The following LPGAT1 variants were observed in gnomAD, a reference collection of about 807,000 sequenced individuals.
LPGAT1 encodes acyl-CoA:lysophosphatidylglycerol acyltransferase 1.
Under a neutral mutation model 47.5 loss-of-function variants are expected in LPGAT1, and 11 were observed. The ratio of observed to expected loss-of-function variants is 0.23; its 90% CI spans 0.15 to 0.38. The LOEUF (loss-of-function observed/expected upper bound fraction) is 0.38, where lower values mean the gene tolerates loss of function less well. Among genes scored for constraint, LPGAT1 ranks in the 10% least tolerant of loss-of-function variants. The pLI is 1.00. For missense variants in LPGAT1, 293 were observed against 439.0 expected (o/e 0.67, Z 2.97); for synonymous variants, 138 against 144.2 (o/e 0.96, Z 0.31).
chr1:211,750,064 T>A lies in LPGAT1; in HGVS notation c.962-14A>T. 4 of 1,607,536 alleles carry A rather than the reference T, an allele frequency of 2.5e-6. No homozygotes were observed. Among genetic ancestry groups the A allele is most frequent in the Non-Finnish European group, 2.5e-6 (3 of 1,177,666 alleles). On this transcript the variant is annotated splice_polypyrimidine_tract_variant and intron_variant, in intron 7 of 7. Coordinates refer to ENST00000366997, the MANE Select transcript of LPGAT1 (RefSeq NM_014873.3). ...GTGGAAAAGCTCCTAAAAGACAAGA[T>A]AGAAATATTAGTTTGTTTTACTGTA...
chr1:211,830,494 C>T lies in LPGAT1; in HGVS notation c.-28+79G>A. 1 of 1,193,684 alleles carries T rather than the reference C, an allele frequency of 8.4e-7. No homozygotes were observed. Among genetic ancestry groups the T allele is most frequent in the Non-Finnish European group, 1.0e-6 (1 of 962,150 alleles). 73.9% of individuals were successfully genotyped at this position (1,193,684 alleles called of 1,614,324 possible). On this transcript the variant is annotated intron_variant, in intron 1 of 7. Coordinates refer to ENST00000366997, the MANE Select transcript of LPGAT1 (RefSeq NM_014873.3). This position sits in a 1 kb window ranked among gnomAD's most constrained non-coding sequence, Gnocchi z 5.9. ...CCCCGGGCCACGCGACGACGACACC[C>T]CCTTCCCCGCCCCCAGCGCCTCCCC...
chr1:211,802,337 G>GTCA (rs1659607341), intron 2 of LPGAT1, among the ~76,000 whole-genome samples: 1 of 151,920 alleles, frequency 6.6e-6, no homozygotes, highest in South Asian at 2.1e-4. Context: ...CCCCTACATA[G>GTCA]TCATGTATTG....
intron 3 of LPGAT1, among the ~76,000 whole-genome samples, chr1:211,790,474 T>C (rs1659065681): frequency 6.6e-6 from 1 of 152,168 alleles, no homozygotes; most frequent in South Asian, 2.1e-4. Flanking sequence ...ATAAATCAAG[T>C]AAACATTCCT....
chr1:211,770,517 A>T (rs1311722442), intron 6 of LPGAT1, among the ~76,000 whole-genome samples: 1 of 152,242 alleles, frequency 6.6e-6, no homozygotes, highest in Non-Finnish European at 1.5e-5. Context: ...GTGCCACATG[A>T]CATTTCAGTC....
chr1:211,774,072 C>G (rs1438747285), intron 6 of LPGAT1, among the ~76,000 whole-genome samples: 1 of 135,018 alleles, frequency 7.4e-6, no homozygotes, highest in African/African-American at 2.9e-5. Flanking sequence ...ATCTATCATT[C>G]TTTATATATC....
At chr1:211,778,184 T>C (rs1041221206) in intron 6 of LPGAT1, among the ~76,000 whole-genome samples, 1 of 151,674 alleles carries the variant, frequency 6.6e-6, no homozygotes, top group African/African-American at 2.4e-5. Flanking sequence ...CTACTAAAAA[T>C]ACAAAAAATT....
chr1:211,758,209 TG>T (rs1173257033), intron 6 of LPGAT1, among the ~76,000 whole-genome samples: 4 of 152,228 alleles, frequency 2.6e-5, no homozygotes, highest in African/African-American at 9.6e-5. Context: ...TCCAGGTATC[TG>T]GTTATATGAA....
At chr1:211,820,539 C>CAA (rs11371645) in intron 2 of LPGAT1, among the ~76,000 whole-genome samples, 2,841 of 124,492 alleles carry the variant, frequency 0.023, 29 homozygotes, top group Non-Finnish European at 0.026. Flanking sequence ...TAGAACTAAA[C>CAA]AAAAAAAAAA....
At chr1:211,751,535 A>G (rs1260410152) in intron 6 of LPGAT1, among the ~76,000 whole-genome samples, 1 of 152,166 alleles carries the variant, frequency 6.6e-6, no homozygotes, top group Non-Finnish European at 1.5e-5. Flanking sequence ...TAATATCAGT[A>G]GTATCAGAGA....
intron 6 of LPGAT1, among the ~76,000 whole-genome samples, chr1:211,773,667 T>C (rs776596358): frequency 6.6e-6 from 1 of 152,206 alleles, no homozygotes; most frequent in Non-Finnish European, 1.5e-5. Context: ...CTTTTGCCTT[T>C]ACCCCTATAA....
At chr1:211,760,037 T>C (rs185176738) in intron 6 of LPGAT1, among the ~76,000 whole-genome samples, 268 of 152,360 alleles carry the variant, frequency 1.8e-3, no homozygotes, top group Middle Eastern at 3.4e-3. Context: ...GATTTTTAAA[T>C]TGGAGAATTA....
At chr1:211,800,310 C>T (rs1659523811) in intron 2 of LPGAT1, among the ~76,000 whole-genome samples, 1 of 151,896 alleles carries the variant, frequency 6.6e-6, no homozygotes, top group African/African-American at 2.4e-5. Context: ...TGTGAGCCAC[C>T]ATGCCTGGCC....
intron 6 of LPGAT1, among the ~76,000 whole-genome samples, chr1:211,766,114 C>A (rs547678831): frequency 5.9e-5 from 9 of 152,146 alleles, no homozygotes; most frequent in Non-Finnish European, 1.2e-4. Context: ...ACAGTTAGTA[C>A]CCCAATTCTC....
chr1:211,760,430 G>A (rs1373174772), intron 6 of LPGAT1, among the ~76,000 whole-genome samples: 1 of 152,174 alleles, frequency 6.6e-6, no homozygotes, highest in Non-Finnish European at 1.5e-5. Flanking sequence ...ACTCCGGCCT[G>A]GGCAACAATA....
chr1:211,751,132 A>C (rs1657161382), intron 6 of LPGAT1, 65 bp from the exon 7 acceptor site: 1 of 1,007,300 alleles, frequency 9.9e-7, no homozygotes, highest in Non-Finnish European at 1.5e-6. Context: ...ATTCAGAACC[A>C]CAACTTATGA....
At chr1:211,759,026 C>A in intron 6 of LPGAT1, among the ~76,000 whole-genome samples, 1 of 152,098 alleles carries the variant, frequency 6.6e-6, no homozygotes, top group East Asian at 1.9e-4. Flanking sequence ...TTAAACCAAC[C>A]TTTCAATCCT....
chr1:211,795,471 G>C (rs1164015586), intron 2 of LPGAT1, among the ~76,000 whole-genome samples: 1 of 152,106 alleles, frequency 6.6e-6, no homozygotes, highest in South Asian at 2.1e-4. Context: ...AGGTTCAAGC[G>C]ATTCTCCTGC....
chr1:211,817,741 T>A (rs1290723960), intron 2 of LPGAT1, among the ~76,000 whole-genome samples: 1 of 152,198 alleles, frequency 6.6e-6, no homozygotes, highest in African/African-American at 2.4e-5. Context: ...ACCACAGCTT[T>A]TGGTAATGGT....
At chr1:211,786,759 ATTAAC>A (rs1658893816) in intron 4 of LPGAT1, among the ~76,000 whole-genome samples, 1 of 151,950 alleles carries the variant, frequency 6.6e-6, no homozygotes, top group South Asian at 2.1e-4. Flanking sequence ...TTATTATTAC[ATTAAC>A]TTATTTATTA....
Sources: gnomAD v4.1 joint callset for allele counts (sites outside exome capture counted in the v4.1 genomes callset) on GRCh38, gnomAD v4.1.1 for gene constraint, Gnocchi (gnomAD v3.1) non-coding constraint, MANE v1.5 for transcripts, NCBI Gene and HGNC (gene_info 2026-07-23, HGNC 2026-07-21) for gene names.